Variants in MCF2 observed in about 807,000 individuals in gnomAD.
MCF2 encodes MCF.2 cell line derived transforming sequence.
A neutral mutation model predicts 82.5 loss-of-function variants in MCF2; 44 were observed. That is an observed-to-expected ratio of 0.53 (90% CI 0.42 to 0.69). The LOEUF (loss-of-function observed/expected upper bound fraction) is 0.69, where lower values mean the gene tolerates loss of function less well. Ranked by LOEUF, MCF2 falls within the 30% of genes least tolerant of loss-of-function variation. The pLI is 0.00. For synonymous variants in MCF2, 217 were observed against 224.9 expected (o/e 0.96, Z 0.32); for missense variants, 623 against 663.1 (o/e 0.94, Z 0.66).
upstream of MCF2, among the ~76,000 whole-genome samples, chrX:139,643,184 C>T (rs1389404671): frequency 1.8e-5 from 2 of 111,699 alleles, no homozygotes; most frequent in East Asian, 2.8e-4. Context: ...AAATGTATAA[C>T]TAAAATAAAG....
At chrX:139,604,471 T>C (rs779313704) in intron 15 of MCF2, among the ~76,000 whole-genome samples, 205 of 110,471 alleles carry the variant, frequency 1.9e-3, no homozygotes, top group Middle Eastern at 4.6e-3. Flanking sequence ...TACCACAGAA[T>C]GGAAGGGGTA....
chrX:139,615,281 T>A (rs906874014), intron 9 of MCF2, among the ~76,000 whole-genome samples: 1 of 111,776 alleles, frequency 8.9e-6, no homozygotes, highest in African/African-American at 3.2e-5. Context: ...GAAGCAGTCA[T>A]GAAATTGGTC....
At chrX:139,669,260 G>T (rs988104413) in intron 1 of MCF2, among the ~76,000 whole-genome samples, 3 of 111,715 alleles carry the variant, frequency 2.7e-5, no homozygotes, top group African/African-American at 9.8e-5. Flanking sequence ...ATATACAAGT[G>T]GTCCATGAGC....
At position 139,616,353 on chromosome X, in the gene MCF2, G is replaced by A. The variant is rs749569452; in HGVS notation, c.1120C>T (p.Leu374=). Residue 374 remains leucine (L), a synonymous_variant, in exon 9 of 25, where the codon CTA becomes TTA. Coordinates refer to ENST00000370576, the Ensembl canonical transcript of MCF2. The stretch of plus-strand genomic sequence containing the variant: ...TCAGGTTCATAATTTATAAAGGGTA[G>A]AGCCATTTCAAGAAAATTTTCAATG... 5.1e-6 allele frequency: 6 copies of A among 1,183,388 alleles called. No individual in the cohort carries two copies. The South Asian group carries it at 1.1e-4, about 23-fold the overall frequency.
chrX:139,621,079 C>T (rs767888366), intron 6 of MCF2, among the ~76,000 whole-genome samples: 4 of 110,941 alleles, frequency 3.6e-5, no homozygotes, highest in East Asian at 2.8e-4. Context: ...ACCAAATCAA[C>T]GAAAATAATC....
intron 1 of MCF2, among the ~76,000 whole-genome samples, chrX:139,690,038 T>A (rs1386969172): frequency 8.9e-6 from 1 of 112,412 alleles, no homozygotes; most frequent in Non-Finnish European, 1.9e-5. Context: ...TGTACTATAG[T>A]GTGTACTCTA....
chrX:139,630,210 C>T (rs1454717525), intron 3 of MCF2, among the ~76,000 whole-genome samples: 1 of 111,626 alleles, frequency 9.0e-6, no homozygotes, highest in Admixed American at 9.5e-5. Flanking sequence ...GGCAAAATTG[C>T]CTTATAATAA....
intron 1 of MCF2, among the ~76,000 whole-genome samples, chrX:139,687,757 C>T (rs1935161466): frequency 8.9e-6 from 1 of 112,194 alleles, no homozygotes; most frequent in Non-Finnish European, 1.9e-5. Context: ...AGCAGGAGAA[C>T]ATAGATTTTT....
intron 14 of MCF2, 50 bp from the exon 19 acceptor site, chrX:139,604,800 A>G: frequency 9.2e-7 from 1 of 1,089,010 alleles, no homozygotes; most frequent in Non-Finnish European, 1.3e-6. Context: ...GTGAAATATA[A>G]TAAACTGGTA....
intron 24 of MCF2, among the ~76,000 whole-genome samples, chrX:139,583,519 T>C (rs898271502): frequency 2.7e-5 from 3 of 111,009 alleles, no homozygotes; most frequent in African/African-American, 9.8e-5. Context: ...AAATACCACG[T>C]GTTCTCACTT....
At chrX:139,695,039 T>A (rs1421974368) in intron 1 of MCF2, among the ~76,000 whole-genome samples, 1 of 107,734 alleles carries the variant, frequency 9.3e-6, no homozygotes, top group Admixed American at 1.0e-4. Context: ...TTTCTTTTTT[T>A]TTTTTTTTAT....
chrX:139,616,596 T>C, intron 8 of MCF2, 123 bp from the exon 12 acceptor site: 1 of 353,884 alleles, frequency 2.8e-6, no homozygotes. Context: ...TTCAGAGCTG[T>C]TAAAAAAAAA....
chrX:139,606,515 A>G (rs932568415), intron 12 of MCF2, among the ~76,000 whole-genome samples: 1 of 109,820 alleles, frequency 9.1e-6, no homozygotes, highest in Non-Finnish European at 1.9e-5. Context: ...TCACCACCAC[A>G]CCTGGCTAAT....
At chrX:139,701,095 A>C (rs1267640443) in intron 1 of MCF2, among the ~76,000 whole-genome samples, 3 of 112,048 alleles carry the variant, frequency 2.7e-5, no homozygotes, top group Non-Finnish European at 5.6e-5. Flanking sequence ...GGGAAATTGA[A>C]GGCCCTCTGG....
intron 19 of MCF2, among the ~76,000 whole-genome samples, chrX:139,593,654 C>T (rs1029756790): frequency 2.0e-4 from 22 of 111,092 alleles, no homozygotes; most frequent in South Asian, 1.2e-3. Flanking sequence ...ACTGGCAAAC[C>T]GAATCCAGCA....
At chrX:139,699,282 A>T (rs1476802158) in intron 1 of MCF2, among the ~76,000 whole-genome samples, 1 of 112,340 alleles carries the variant, frequency 8.9e-6, no homozygotes, top group African/African-American at 3.2e-5. Flanking sequence ...ACCTCTTAGC[A>T]ATTACTGTAT....
intron 1 of MCF2, among the ~76,000 whole-genome samples, chrX:139,704,562 C>A (rs1569408532): frequency 1.8e-5 from 2 of 111,404 alleles, no homozygotes; most frequent in Admixed American, 1.9e-4. Context: ...ACTCATGTAA[C>A]AAAACACCAC....
chrX:139,601,573 G>A (rs1385029524), intron 16 of MCF2, among the ~76,000 whole-genome samples: 1 of 111,586 alleles, frequency 9.0e-6, no homozygotes, highest in Non-Finnish European at 1.9e-5. Flanking sequence ...TTTATGTACT[G>A]TGTACACTTT....
At position 139,649,430 on chromosome X, in the gene MCF2, T is replaced by C. The variant is rs751606784; in HGVS notation, c.25+2290A>G. Among the ~76,000 whole-genome samples the C allele has an allele frequency of 7.8e-3, 873 of 111,836 alleles. 7 individuals carry two copies. Among genetic ancestry groups the C allele is most frequent in the Non-Finnish European group, 0.012 (632 of 53,170 alleles). ...TATAGAACTAGTAATATAAATGATA[T>C]GTAATATATAATGTAATAAATATCT... On this transcript the variant is annotated intron_variant, in intron 2 of 27. Coordinates refer to the MCF2 transcript ENST00000414978.
Sources: allele counts gnomAD v4.1 joint callset (sites outside exome capture counted in the v4.1 genomes callset), GRCh38; gene constraint gnomAD v4.1.1; transcripts MANE v1.5; gene names NCBI Gene and HGNC (gene_info 2026-07-23, HGNC 2026-07-21).